Variants in KIAA1328 observed in about 807,000 individuals in gnomAD.
KIAA1328 encodes protein hinderin.
In KIAA1328, 52 loss-of-function variants were observed where a neutral mutation model predicts 68.1. The ratio of observed to expected loss-of-function variants is 0.76; its 90% CI spans 0.61 to 0.96. The LOEUF (loss-of-function observed/expected upper bound fraction) is 0.96, where lower values mean the gene tolerates loss of function less well. Among genes scored for constraint, KIAA1328 ranks in the 40% least tolerant of loss-of-function variants. The pLI is 0.00. For missense variants in KIAA1328, 641 were observed against 677.6 expected, an observed-to-expected ratio of 0.95 and a Z score of 0.60; for synonymous variants, 232 against 239.4, an observed-to-expected ratio of 0.97 and a Z score of 0.28.
intron 7 of KIAA1328, among the ~76,000 whole-genome samples, chr18:37,151,175 A>T (rs1028794960): frequency 6.6e-6 from 1 of 152,204 alleles, no homozygotes; most frequent in Non-Finnish European, 1.5e-5. Flanking sequence ...AAAAGCATTT[A>T]TAGTACCATC....
chr18:37,200,917 A>G (rs2060100720), intron 9 of KIAA1328, among the ~76,000 whole-genome samples: 1 of 152,230 alleles, frequency 6.6e-6, no homozygotes, highest in African/African-American at 2.4e-5. Context: ...CTTTTGATCA[A>G]AAATCTTTCT....
At chr18:37,164,124 T>C (rs966935989) in intron 8 of KIAA1328, among the ~76,000 whole-genome samples, 5 of 152,234 alleles carry the variant, frequency 3.3e-5, no homozygotes, top group African/African-American at 9.6e-5. Flanking sequence ...TACTTTTTTA[T>C]TATATATGTT....
rs933476354 is a variant in KIAA1328, at chr18:37,015,484, C to CT, written c.577-51399dup. Reference sequence around the variant, plus strand: ...TAGGATTGCTTTGGCTATTCAAGCTCTTTTTTTGGTTTCATATGATTTTAG... The same window carrying CT: ...TAGGATTGCTTTGGCTATTCAAGCTCTTTTTTTTGGTTTCATATGATTTTAG... On this transcript the variant is annotated intron_variant, in intron 6 of 9. Coordinates refer to ENST00000280020, the MANE Select transcript of KIAA1328 (RefSeq NM_020776.3). Among the ~76,000 whole-genome samples, 16 of 151,910 alleles carry CT rather than the reference C, an allele frequency of 1.1e-4. 1 individual carries two copies. Among genetic ancestry groups the CT allele is most frequent in the Admixed American group, 9.2e-4 (14 of 15,246 alleles).
intron 4 of KIAA1328, among the ~76,000 whole-genome samples, chr18:36,877,832 A>G (rs1400361804): frequency 1.3e-5 from 2 of 151,488 alleles, no homozygotes; most frequent in Non-Finnish European, 2.9e-5. Flanking sequence ...ATGGCTGGCT[A>G]ATTTTTTTGT....
chr18:36,841,154 G>T (rs1412091095), intron 3 of KIAA1328, among the ~76,000 whole-genome samples: 1 of 152,018 alleles, frequency 6.6e-6, no homozygotes, highest in Non-Finnish European at 1.5e-5. Flanking sequence ...CCAGTCATTG[G>T]TGTTGGTATG....
chr18:37,109,897 GC>G (rs2057881485), intron 7 of KIAA1328, among the ~76,000 whole-genome samples: 2 of 152,048 alleles, frequency 1.3e-5, no homozygotes, highest in African/African-American at 4.8e-5. Context: ...TGGAATGAGA[GC>G]AGTTTGATTT....
chr18:37,149,157 C>A (rs1295478026), intron 7 of KIAA1328, among the ~76,000 whole-genome samples: 1 of 152,022 alleles, frequency 6.6e-6, no homozygotes, highest in Non-Finnish European at 1.5e-5. Flanking sequence ...AGGTATCACG[C>A]TACTGTACTT....
At chr18:36,926,073 G>T (rs2050105138) in intron 5 of KIAA1328, among the ~76,000 whole-genome samples, 1 of 151,766 alleles carries the variant, frequency 6.6e-6, no homozygotes, top group African/African-American at 2.4e-5. Context: ...TCTGAGAATG[G>T]GGCTTTATAG....
At chr18:36,875,309 T>G (rs1427093196) in intron 4 of KIAA1328, among the ~76,000 whole-genome samples, 1 of 152,208 alleles carries the variant, frequency 6.6e-6, no homozygotes, top group Non-Finnish European at 1.5e-5. Flanking sequence ...GCATGGAATG[T>G]TTTTCCATTT....
intron 5 of KIAA1328, among the ~76,000 whole-genome samples, chr18:36,921,496 C>T (rs1393699096): frequency 2.0e-5 from 3 of 152,078 alleles, no homozygotes; most frequent in East Asian, 1.9e-4. Flanking sequence ...CTCCACCTCC[C>T]GGGTTCACGC....
chr18:36,959,544 A>G, intron 6 of KIAA1328, 109 bp downstream of exon 6: 1 of 1,219,690 alleles, frequency 8.2e-7, no homozygotes, highest in Non-Finnish European at 1.1e-6. Flanking sequence ...ATTGTTTTAA[A>G]ACATGTAGCC....
chr18:36,981,831 A>C (rs908466959), intron 6 of KIAA1328, among the ~76,000 whole-genome samples: 2 of 150,438 alleles, frequency 1.3e-5, no homozygotes, highest in Non-Finnish European at 3.0e-5. Context: ...TCCTGGTCTC[A>C]AGTGATCCAC....
intron 5 of KIAA1328, among the ~76,000 whole-genome samples, chr18:36,942,495 G>A (rs998586722): frequency 6.6e-6 from 1 of 152,142 alleles, no homozygotes; most frequent in African/African-American, 2.4e-5. Context: ...CACCACTGAC[G>A]AGTGCTTTTC....
rs11311186 is a variant in KIAA1328, at chr18:37,067,562, CTTTT to C, written c.1232+30_1232+33del. On this transcript the variant is annotated intron_variant, in intron 7 of 9. Transcript: ENST00000280020. ...TTACAATTGGTGAGTACTGCCTGTT[CTTTT>C]TTTTTTTTTTTTGAGACGAAATCTC... 147 of 1,354,720 alleles carry C rather than the reference CTTTT, an allele frequency of 1.1e-4. No individual in the cohort carries two copies. The highest frequency in any genetic ancestry group is 3.2e-4 in the South Asian group (20 of 63,406). 83.9% of individuals were successfully genotyped at this position (1,354,720 alleles called of 1,614,324 possible).
chr18:36,959,656 G>A (rs752287870), intron 6 of KIAA1328, among the ~76,000 whole-genome samples: 17 of 152,132 alleles, frequency 1.1e-4, no homozygotes, highest in African/African-American at 4.1e-4. Context: ...GTCTGTGTGG[G>A]TCAGTGGGGA....
At chr18:36,902,499 A>G (rs1004846236) in intron 5 of KIAA1328, 14 of 152,106 alleles carry the variant, frequency 9.2e-5, no homozygotes, top group African/African-American at 3.4e-4. Context: ...TCAAGACAGC[A>G]AAGGAGGTGT....
intron 6 of KIAA1328, among the ~76,000 whole-genome samples, chr18:37,041,198 C>G (rs1325541996): frequency 6.6e-6 from 1 of 151,726 alleles, no homozygotes; most frequent in Non-Finnish European, 1.5e-5. Flanking sequence ...TCAATTTTGT[C>G]AATTTTTATT....
chr18:37,041,640 T>G (rs1047815509), intron 6 of KIAA1328, among the ~76,000 whole-genome samples: 1 of 146,908 alleles, frequency 6.8e-6, no homozygotes, highest in Non-Finnish European at 1.5e-5. Flanking sequence ...TTTTTTGTGT[T>G]TGTGTGTGTG....
chr18:36,907,887 T>C (rs1185486425), intron 5 of KIAA1328, among the ~76,000 whole-genome samples: 5 of 152,278 alleles, frequency 3.3e-5, no homozygotes, highest in African/African-American at 1.2e-4. Flanking sequence ...GAGTGAGTTT[T>C]TTCCCCTTTC....
Sources: gnomAD v4.1 joint callset for allele counts (sites outside exome capture counted in the v4.1 genomes callset) on GRCh38, gnomAD v4.1.1 for gene constraint, MANE v1.5 for transcripts, NCBI Gene and HGNC (gene_info 2026-07-23, HGNC 2026-07-21) for gene names.